MED12L: variants seen among roughly 807,000 people sequenced by gnomAD.
MED12L encodes the protein mediator of RNA polymerase II transcription subunit 12-like protein.
Under a neutral mutation model 281.3 loss-of-function variants are expected in MED12L, and 60 were observed. The observed-to-expected ratio is 0.21, with a 90% CI of 0.17 to 0.26. MED12L has a LOEUF of 0.26. MED12L is among the 10% of genes least tolerant of loss of function. The pLI, the probability that MED12L is intolerant of heterozygous loss-of-function variation, is 1.00. For missense variants in MED12L, 2,146 were observed against 2,680.9 expected (o/e 0.80, Z 4.41); for synonymous variants, 974 against 987.2 (o/e 0.99, Z 0.25).
chr3:151,233,300 T>C (rs1732075728), intron 16 of MED12L, among the ~76,000 whole-genome samples: 1 of 152,234 alleles, frequency 6.6e-6, no homozygotes, highest in African/African-American at 2.4e-5. Flanking sequence ...TCTGTAGCAA[T>C]AGCTACCATT....
chr3:151,337,850 A>G (rs919065796), intron 16 of MED12L: 1 of 1,614,124 alleles, frequency 6.2e-7, no homozygotes, highest in Non-Finnish European at 8.5e-7. Flanking sequence ...GGTCACCACC[A>G]TCCTGTTCTT....
chr3:151,281,351 AGTGAGCTGAGATT>A (rs1003592699), intron 16 of MED12L, among the ~76,000 whole-genome samples: 42 of 151,728 alleles, frequency 2.8e-4, no homozygotes, highest in Admixed American at 2.3e-3. Context: ...TGGAAGTTGC[AGTGAGCTGAGATT>A]GCGCCACTGT....
chr3:151,184,895 C>A (rs1052989757), intron 11 of MED12L, among the ~76,000 whole-genome samples: 10 of 152,130 alleles, frequency 6.6e-5, no homozygotes, highest in Non-Finnish European at 1.5e-4. Flanking sequence ...CCTGGCTTGT[C>A]AGAATTATTT....
At chr3:151,153,010 C>T (rs535682439) in intron 5 of MED12L, among the ~76,000 whole-genome samples, 1 of 152,320 alleles carries the variant, frequency 6.6e-6, no homozygotes, top group African/African-American at 2.4e-5. Flanking sequence ...TGTAATGTGA[C>T]ACATCTCTGC....
Position 151,156,178 on chromosome 3 carries a change from A to G in MED12L, c.574A>G (p.Thr192Ala). ...DPNLEWTQIS[T>A]RYLREQLAKI... ...AAATGCAGAGTGGACACAGATATCT[A>G]CCAGATATCTTCGAGAGCAGTTGGC... The change falls in exon 6 of 45, where the codon ACC becomes GCC. Residue 192 changes from threonine (T) to alanine (A), a missense_variant. Physicochemically the swap from Thr to Ala is moderately conservative, Grantham distance 58. This residue lies in a region of MED12L where 722 missense variants were observed against 861.2 expected (regional missense o/e 0.84). Coordinates refer to ENST00000687756, the MANE Select transcript of MED12L (RefSeq NM_001393769.1). 1.2e-6 allele frequency: 2 copies of G among 1,609,858 alleles called. No individual in the cohort carries two copies. Among genetic ancestry groups the G allele is most frequent in the Admixed American group, 1.7e-5 (1 of 59,068 alleles).
At chr3:151,248,042 C>G (rs546424611) in intron 16 of MED12L, among the ~76,000 whole-genome samples, 3 of 120,406 alleles carry the variant, frequency 2.5e-5, no homozygotes, top group Non-Finnish European at 4.9e-5. Flanking sequence ...TCTAAATTAT[C>G]TATTAGTCTA....
chr3:151,194,082 C>T (rs1724332087), intron 16 of MED12L, among the ~76,000 whole-genome samples: 1 of 150,378 alleles, frequency 6.6e-6, no homozygotes, highest in Admixed American at 6.7e-5. Context: ...TCTTTTGCCT[C>T]AGCCTCCCGA....
At chr3:151,380,324 T>A (rs768916067) in intron 32 of MED12L, 100 bp downstream of exon 32, 72 of 769,012 alleles carry the variant, frequency 9.4e-5, no homozygotes, top group Middle Eastern at 2.8e-4. Context: ...GGGCCAGGTG[T>A]GGTGGCTCAT....
At chr3:151,387,279 CTAA>C (rs1401889978) in intron 36 of MED12L, among the ~76,000 whole-genome samples, 6 of 151,398 alleles carry the variant, frequency 4.0e-5, no homozygotes, top group African/African-American at 1.2e-4. Context: ...ATTTAATTCT[CTAA>C]TAATAATATT....
intron 16 of MED12L, chr3:151,198,711 G>A: frequency 6.2e-7 from 1 of 1,613,826 alleles, no homozygotes; most frequent in Non-Finnish European, 8.5e-7. Flanking sequence ...GTCACTAAAA[G>A]TATGTTGATG....
chr3:151,377,097 G>A lies in MED12L; in HGVS notation c.4235G>A (p.Gly1412Asp), dbSNP rs1450257117. ...SADLNNSSNS[G>D]MSLFNPNSIG... ...GACCTAAATAATTCTTCTAATTCTG[G>A]CATGAGCCTCTTCAACCCAAACAGT... Residue 1412 changes from glycine to aspartate, a missense_variant, in exon 30 of 45, where the codon GGC (glycine) becomes GAC (aspartate). Around this residue, in one of 9 missense-constraint regions of MED12L, gnomAD observed 235 missense variants for 260.3 expected, o/e 0.90. Transcript: ENST00000687756. 2 of 1,613,932 alleles carry A rather than the reference G, an allele frequency of 1.2e-6. No individual in the cohort carries two copies. The highest frequency in any genetic ancestry group is 1.3e-5 in the African/African-American group (1 of 74,902).
At chr3:151,429,289 C>A (rs1315219544) in intron 43 of MED12L, among the ~76,000 whole-genome samples, 1 of 152,208 alleles carries the variant, frequency 6.6e-6, no homozygotes, top group African/African-American at 2.4e-5. Context: ...CTCCTCCCCA[C>A]CTAGAAGTCG....
At chr3:151,150,742 C>A (rs965763077) in intron 5 of MED12L, among the ~76,000 whole-genome samples, 2 of 152,262 alleles carry the variant, frequency 1.3e-5, no homozygotes, top group African/African-American at 4.8e-5. Flanking sequence ...TCACTTGTGG[C>A]AGCTTCTACG....
At chr3:151,344,305 T>TAA (rs60921069) in intron 16 of MED12L, among the ~76,000 whole-genome samples, 46,861 of 150,802 alleles carry the variant, frequency 0.31, 7,536 homozygotes, top group East Asian at 0.49. Flanking sequence ...TACTAATGAT[T>TAA]AAAAAAAAAC....
intron 16 of MED12L, among the ~76,000 whole-genome samples, chr3:151,287,455 G>T (rs1179956628): frequency 6.6e-6 from 1 of 152,284 alleles, no homozygotes; most frequent in South Asian, 2.1e-4. Flanking sequence ...ATGAAGAAAA[G>T]AGGGCACTCA....
intron 17 of MED12L, among the ~76,000 whole-genome samples, chr3:151,352,432 A>T (rs764404284): frequency 3.3e-5 from 5 of 152,154 alleles, no homozygotes; most frequent in Non-Finnish European, 7.4e-5. Context: ...TTAATTTGGG[A>T]TGTAGTGAGC....
At chr3:151,375,477 G>C (rs374870555) in intron 27 of MED12L, among the ~76,000 whole-genome samples, 4 of 152,088 alleles carry the variant, frequency 2.6e-5, no homozygotes, top group African/African-American at 7.2e-5. Flanking sequence ...ACTCACACTG[G>C]ACCCAGCAAT....
At chr3:151,419,971 A>G (rs1164504561) in intron 43 of MED12L, among the ~76,000 whole-genome samples, 2 of 152,198 alleles carry the variant, frequency 1.3e-5, no homozygotes, top group African/African-American at 4.8e-5. Context: ...ACGTGGTCAT[A>G]GCTGGTATTG....
At chr3:151,123,158 T>C (rs895110090) in intron 4 of MED12L, among the ~76,000 whole-genome samples, 184 bp downstream of exon 4, 2 of 152,212 alleles carry the variant, frequency 1.3e-5, no homozygotes, top group African/African-American at 4.8e-5. Flanking sequence ...ATGTAGTGCC[T>C]AGGACATCTA....
Sources: allele counts gnomAD v4.1 joint callset (sites outside exome capture counted in the v4.1 genomes callset), GRCh38; gene constraint gnomAD v4.1.1; regional missense constraint gnomAD v4.1.1; transcripts MANE v1.5; gene names NCBI Gene and HGNC (gene_info 2026-07-23, HGNC 2026-07-21).